FXYD6: variants seen among roughly 807,000 people sequenced by gnomAD.
The protein encoded by FXYD6 is FXYD domain-containing ion transport regulator 6.
Under a neutral mutation model 16.7 loss-of-function variants are expected in FXYD6, and 7 were observed. The observed-to-expected ratio is 0.42, with a 90% CI of 0.24 to 0.79. The LOEUF (loss-of-function observed/expected upper bound fraction) is 0.79. Among genes scored for constraint, FXYD6 ranks in the 30% least tolerant of loss-of-function variants. The pLI is 0.28. For missense variants in FXYD6, 111 were observed against 116.2 expected (o/e 0.95, Z 0.21); for synonymous variants, 49 against 43.0 (o/e 1.14, Z -0.54).
intron 1 of FXYD6, among the ~76,000 whole-genome samples, chr11:117,871,804 C>T (rs988023512): frequency 1.3e-5 from 2 of 152,198 alleles, no homozygotes; most frequent in African/African-American, 4.8e-5. Flanking sequence ...GGTAAGGAAA[C>T]TGAGGTTTAG....
At chr11:117,845,564 T>C (rs2056450321) in intron 1 of FXYD6, among the ~76,000 whole-genome samples, 1 of 152,226 alleles carries the variant, frequency 6.6e-6, no homozygotes, top group Non-Finnish European at 1.5e-5. Flanking sequence ...TCATTTTCAG[T>C]GTGGTGTAAT....
chr11:117,864,807 G>A (rs919661725), intron 1 of FXYD6, among the ~76,000 whole-genome samples: 4 of 152,092 alleles, frequency 2.6e-5, no homozygotes, highest in South Asian at 2.1e-4. Flanking sequence ...GGCTGGTCTC[G>A]AACTCCTGAC....
At chr11:117,867,583 C>T (rs2057038045) in intron 1 of FXYD6, among the ~76,000 whole-genome samples, 1 of 152,178 alleles carries the variant, frequency 6.6e-6, no homozygotes, top group South Asian at 2.1e-4. Context: ...GGTGGTGCCT[C>T]TACGTCCTAT....
At chr11:117,852,173 A>C (rs1220287439) in intron 1 of FXYD6, among the ~76,000 whole-genome samples, 1 of 152,252 alleles carries the variant, frequency 6.6e-6, no homozygotes, top group Non-Finnish European at 1.5e-5. Flanking sequence ...GTCTGGAGGC[A>C]GATCTTTCCC....
At chr11:117,871,844 A>T (rs1476460119) in intron 1 of FXYD6, among the ~76,000 whole-genome samples, 2 of 152,190 alleles carry the variant, frequency 1.3e-5, no homozygotes, top group Admixed American at 1.3e-4. Flanking sequence ...AAGCATCAGA[A>T]TGCAGTTTAG....
chr11:117,862,181 C>T (rs1173922824), intron 1 of FXYD6, among the ~76,000 whole-genome samples: 1 of 152,204 alleles, frequency 6.6e-6, no homozygotes, highest in Non-Finnish European at 1.5e-5. Context: ...GCCAAGTCCC[C>T]GCAGAAACTG....
rs1187940456 is a variant in FXYD6, at chr11:117,836,988, CAA to C, written c.*1309_*1310del. ...AAAGCACCTCCGAGCCACTAGGAAA[CAA>C]AGGATATTTTATTCCTTTTTTCTGT... On this transcript the variant is annotated 3_prime_UTR_variant, in exon 8 of 8. Transcript: ENST00000526014. The C allele has an allele frequency of 6.6e-6, 1 of 152,204 alleles. No individual in the cohort carries two copies. The highest frequency in any genetic ancestry group is 2.4e-5 in the African/African-American group (1 of 41,440). 9.4% of individuals were successfully genotyped at this position (152,204 alleles called of 1,614,324 possible).
intron 1 of FXYD6, among the ~76,000 whole-genome samples, chr11:117,864,209 A>G (rs1285155636): frequency 1.3e-5 from 2 of 152,250 alleles, no homozygotes; most frequent in African/African-American, 4.8e-5. Context: ...CTACAAGGCT[A>G]CAGTATCAAA....
intron 1 of FXYD6, among the ~76,000 whole-genome samples, chr11:117,871,795 G>A (rs557495793): frequency 5.5e-4 from 84 of 152,310 alleles, no homozygotes; most frequent in African/African-American, 1.9e-3. Context: ...CATTTGACAG[G>A]TAAGGAAACT....
At chr11:117,858,957 G>C (rs1177766720) in intron 1 of FXYD6, among the ~76,000 whole-genome samples, 2 of 151,896 alleles carry the variant, frequency 1.3e-5, no homozygotes, top group East Asian at 3.9e-4. Context: ...TGTATTTTTA[G>C]TAGAGACGGG....
At chr11:117,871,629 C>T (rs188976186) in intron 1 of FXYD6, among the ~76,000 whole-genome samples, 7 of 152,162 alleles carry the variant, frequency 4.6e-5, no homozygotes, top group East Asian at 1.9e-4. Context: ...GGAGGAGCCA[C>T]GAAGGATGAT....
At chr11:117,845,026 A>G (rs1028210951) in intron 1 of FXYD6, among the ~76,000 whole-genome samples, 1 of 152,238 alleles carries the variant, frequency 6.6e-6, no homozygotes, top group Non-Finnish European at 1.5e-5. Context: ...GAAGTTTGCC[A>G]TCTTAAACTG....
At chr11:117,854,196 G>A (rs1384127142) in intron 1 of FXYD6, among the ~76,000 whole-genome samples, 1 of 152,168 alleles carries the variant, frequency 6.6e-6, no homozygotes, top group Non-Finnish European at 1.5e-5. Flanking sequence ...ACACATTAAG[G>A]CCTTCAAATC....
intron 1 of FXYD6, among the ~76,000 whole-genome samples, chr11:117,853,392 A>G (rs1268369099): frequency 1.3e-5 from 2 of 152,226 alleles, no homozygotes; most frequent in African/African-American, 4.8e-5. Flanking sequence ...GCTGGACTCA[A>G]TGCTGATTAG....
chr11:117,842,100 C>T, intron 2 of FXYD6, 72 bp from the exon 3 acceptor site: 2 of 1,606,914 alleles, frequency 1.2e-6, no homozygotes, highest in Non-Finnish European at 1.7e-6. Flanking sequence ...AACCTTGCCT[C>T]ACAGACCTCA....
At chr11:117,849,686 G>T (rs935903188) in intron 1 of FXYD6, among the ~76,000 whole-genome samples, 1 of 151,974 alleles carries the variant, frequency 6.6e-6, no homozygotes, top group African/African-American at 2.4e-5. Context: ...GCTTTTGGTC[G>T]CTTGCTTTTT....
chr11:117,843,671 C>T (rs150407423), intron 1 of FXYD6: 1 of 152,326 alleles, frequency 6.6e-6, no homozygotes, highest in East Asian at 1.9e-4. Flanking sequence ...TCAAAAGTCC[C>T]CAAGTCAGCT....
intron 2 of FXYD6, 27 bp from the exon 3 acceptor site, chr11:117,842,055 G>A: frequency 6.2e-7 from 1 of 1,614,066 alleles, no homozygotes; most frequent in Non-Finnish European, 8.5e-7. Context: ...TTGGTCAAGA[G>A]AAAGAAAGCT....
chr11:117,876,784 C>G (rs1490854186), upstream of FXYD6: 1 of 152,014 alleles, frequency 6.6e-6, no homozygotes, highest in Non-Finnish European at 1.5e-5. Context: ...GGGCTGGGCT[C>G]GGGGACAGCC....
Sources: gnomAD v4.1 joint callset for allele counts (sites outside exome capture counted in the v4.1 genomes callset) on GRCh38, gnomAD v4.1.1 for gene constraint, MANE v1.5 for transcripts, NCBI Gene and HGNC (gene_info 2026-07-23, HGNC 2026-07-21) for gene names.